AGAP1: variants seen among roughly 807,000 people sequenced by gnomAD.
The protein encoded by AGAP1 is ArfGAP with GTPase domain, ankyrin repeat and PH domain 1.
AGAP1 carries 29 observed loss-of-function variants against 105.3 expected under a neutral mutation model. The observed-to-expected ratio is 0.28, with a 90% CI of 0.21 to 0.38. AGAP1 has a LOEUF of 0.38. Among genes scored for constraint, AGAP1 ranks in the 10% least tolerant of loss-of-function variants. AGAP1 has a pLI of 1.00. For synonymous variants in AGAP1, 509 were observed against 485.9 expected (o/e 1.05, Z -0.63); for missense variants, 998 against 1,165.1 (o/e 0.86, Z 2.09).
At position 235,977,437 on chromosome 2, in the gene AGAP1, A is replaced by G. The variant is rs1165649833; in HGVS notation, c.1645+8814A>G. ...TTCTAAATCCTCATCTACTCTTTCT[A>G]CTTTCCTCAGCTGCATGTATTTTAC... On this transcript the variant is annotated intron_variant, in intron 13 of 17. Transcript: ENST00000304032. The surrounding 1 kb of genome is among the most constrained non-coding windows in gnomAD (Gnocchi z 5.2). 3.3e-5 allele frequency among the ~76,000 whole-genome samples: 5 copies of G among 151,544 alleles called. No homozygotes were observed. The East Asian group carries it at 9.7e-4, about 30-fold the overall frequency.
chr2:235,969,007 A>G (rs1409852244), intron 13 of AGAP1, among the ~76,000 whole-genome samples: 1 of 152,182 alleles, frequency 6.6e-6, no homozygotes, highest in Non-Finnish European at 1.5e-5. Context: ...CTTCTAGTTT[A>G]GGAATCATCT....
At chr2:235,670,463 G>C (rs990163957) in intron 1 of AGAP1, 2 of 528,642 alleles carry the variant, frequency 3.8e-6, no homozygotes, top group Non-Finnish European at 6.8e-6. Context: ...GGACCTGGCC[G>C]GCAGCGCCCC....
intron 13 of AGAP1, among the ~76,000 whole-genome samples, chr2:235,997,493 T>C (rs1189914210): frequency 6.6e-6 from 1 of 152,226 alleles, no homozygotes; most frequent in Non-Finnish European, 1.5e-5. Context: ...TAGTGTTTGG[T>C]ATTTTTGTAG....
chr2:235,571,932 T>TTGTGTGTGTGTGTGTGTG (rs141898525), intron 1 of AGAP1, among the ~76,000 whole-genome samples: 1,130 of 103,640 alleles, frequency 0.011, 14 homozygotes, highest in Non-Finnish European at 0.016. Flanking sequence ...TGCCCACACT[T>TTGTGTGTGTGTGTGTGTG]TGTGTGTGTG....
rs2054280479 is a variant in AGAP1 at position 235,963,742 on chromosome 2, A to T, written c.1484-4720A>T. ...CTTTTTCATTGATGTGGATGGATATATGGGAGTATATGCTCAGAACGGTCA... is the reference window on the plus strand; with the variant it reads ...CTTTTTCATTGATGTGGATGGATATTTGGGAGTATATGCTCAGAACGGTCA... On this transcript the variant is annotated intron_variant, in intron 12 of 17. Transcript: ENST00000304032. The surrounding 1 kb of genome is among the most constrained non-coding windows in gnomAD (Gnocchi z 5.1). Among the ~76,000 whole-genome samples, 1 of 152,142 alleles carries T rather than the reference A, an allele frequency of 6.6e-6. No individual in the cohort carries two copies. Among genetic ancestry groups the T allele is most frequent in the Non-Finnish European group, 1.5e-5 (1 of 68,012 alleles).
At chr2:235,562,419 GA>G (rs1944186381) in intron 1 of AGAP1, among the ~76,000 whole-genome samples, 1 of 152,136 alleles carries the variant, frequency 6.6e-6, no homozygotes, top group African/African-American at 2.4e-5. Flanking sequence ...TTTTGGGGCA[GA>G]GCGCCCTGTT....
chr2:235,997,623 G>C (rs1176014845), intron 13 of AGAP1, among the ~76,000 whole-genome samples: 1 of 152,194 alleles, frequency 6.6e-6, no homozygotes, highest in African/African-American at 2.4e-5. Flanking sequence ...GTTGATCCTT[G>C]TGAAAGCTTT....
chr2:235,728,320 T>TGTGTGTGTGTGTGTGTGTGTGTGTGTGC lies in AGAP1; in HGVS notation c.310+10683_310+10684insTGTGTGTGTGTGTGTGTGTGCGTGTGTG, dbSNP rs1328525428. ...CAGACTCTGTGTGTGTGTGTGTGTGTGTGTGTGCGTGCTCTTAAATCAATG... is the reference window on the plus strand; with the variant it reads ...CAGACTCTGTGTGTGTGTGTGTGTGTGTGTGTGTGTGTGTGTGTGTGTGTGTGCGTGTGTGCGTGCTCTTAAATCAATG... On this transcript the variant is annotated intron_variant, in intron 3 of 17. Coordinates refer to ENST00000304032, the MANE Select transcript of AGAP1 (RefSeq NM_001037131.3). This position sits in a 1 kb window ranked among gnomAD's most constrained non-coding sequence, Gnocchi z 4.3. Among the ~76,000 whole-genome samples, 27 of 151,832 alleles carry TGTGTGTGTGTGTGTGTGTGTGTGTGTGC rather than the reference T, an allele frequency of 1.8e-4. No homozygotes were observed. Among genetic ancestry groups the TGTGTGTGTGTGTGTGTGTGTGTGTGTGC allele is most frequent in the African/African-American group, 6.3e-4 (26 of 41,266 alleles).
In AGAP1 at chr2:235,701,667, T is replaced by C. The variant is rs1950266789; in HGVS notation, c.164-7512T>C. On this transcript the variant is annotated intron_variant, in intron 1 of 17. Coordinates refer to ENST00000304032, the MANE Select transcript of AGAP1 (RefSeq NM_001037131.3). The surrounding 1 kb of genome is among the most constrained non-coding windows in gnomAD (Gnocchi z 4.1). ...AGAAATTAAATCCTACCATTGAAAC[T>C]GTGCTGGTGAACTTCTGCTAAGTCC... is the stretch of plus-strand genomic sequence containing the variant. 6.6e-6 allele frequency among the ~76,000 whole-genome samples: 1 copy of C among 152,214 alleles called. No individual in the cohort carries two copies. The highest frequency in any genetic ancestry group is 1.5e-5 in the Non-Finnish European group (1 of 68,036).
chr2:235,889,254 C>T lies in AGAP1; in HGVS notation c.1155+5805C>T, dbSNP rs911796660. ...GATGACCTGCTCTTTGAAACTGTGG[C>T]TTCAGAACAAAGCAGCCAGTCATGA... On this transcript the variant is annotated intron_variant, in intron 10 of 17. Coordinates refer to ENST00000304032, the MANE Select transcript of AGAP1 (RefSeq NM_001037131.3). The surrounding 1 kb of genome is among the most constrained non-coding windows in gnomAD (Gnocchi z 4.6). 6.6e-6 allele frequency among the ~76,000 whole-genome samples: 1 copy of T among 152,182 alleles called. No homozygotes were observed. The highest frequency in any genetic ancestry group is 2.4e-5 in the African/African-American group (1 of 41,426).
At chr2:235,706,130 C>T (rs550588157) in intron 1 of AGAP1, among the ~76,000 whole-genome samples, 1 of 152,208 alleles carries the variant, frequency 6.6e-6, no homozygotes, top group Non-Finnish European at 1.5e-5. Context: ...AGTTCCTAAC[C>T]CTAAATCAGC....
intron 1 of AGAP1, among the ~76,000 whole-genome samples, chr2:235,626,989 A>T (rs1455786199): frequency 6.6e-6 from 1 of 151,734 alleles, no homozygotes; most frequent in African/African-American, 2.4e-5. Context: ...GCGCATAGAT[A>T]TGTTGGGTTT....
chr2:236,109,751 G>A lies in AGAP1; in HGVS notation c.2115-10441G>A, dbSNP rs2059597698. On this transcript the variant is annotated intron_variant, in intron 16 of 17. Transcript: ENST00000304032. This position sits in a 1 kb window ranked among gnomAD's most constrained non-coding sequence, Gnocchi z 5.4. ...GCTGCCAACCACATACTTATGTAAA[G>A]CACTGGAAATGTGTCTAAAGGAACT... 6.6e-6 allele frequency among the ~76,000 whole-genome samples: 1 copy of A among 152,252 alleles called. No individual in the cohort carries two copies. Among genetic ancestry groups the A allele is most frequent in the Non-Finnish European group, 1.5e-5 (1 of 68,042 alleles).
chr2:235,827,067 G>A (rs1250582759), intron 9 of AGAP1, among the ~76,000 whole-genome samples: 1 of 152,194 alleles, frequency 6.6e-6, no homozygotes. Flanking sequence ...GGGCGGGTTT[G>A]TAGTGCGGCT....
At position 235,789,623 on chromosome 2, in the gene AGAP1, CA is replaced by C. The variant is rs138224801; in HGVS notation, c.674-8126del. 0.042 allele frequency among the ~76,000 whole-genome samples: 6,221 copies of C among 148,208 alleles called. 186 individuals are homozygous for C. The highest frequency in any genetic ancestry group is 0.087 in the African/African-American group (3,515 of 40,498). ...ATTTTAGATTAGAGGGTTGTTTGCTCAAAAAAAAAATACATATATATAGTCA... is the reference window on the plus strand; with the variant it reads ...ATTTTAGATTAGAGGGTTGTTTGCTCAAAAAAAAATACATATATATAGTCA... On this transcript the variant is annotated intron_variant, in intron 6 of 17. Coordinates refer to ENST00000304032, the MANE Select transcript of AGAP1 (RefSeq NM_001037131.3). This position sits in a 1 kb window ranked among gnomAD's most constrained non-coding sequence, Gnocchi z 4.2.
At position 235,616,963 on chromosome 2, in the gene AGAP1, T is replaced by A. The variant is rs533756767; in HGVS notation, c.164-92216T>A. ...AACGTGCATCTTTAAATTTTTTTTA[T>A]TTTTTTTTTTTAAGCTTGGAAAGAG... On this transcript the variant is annotated intron_variant, in intron 1 of 17. Coordinates refer to ENST00000304032, the MANE Select transcript of AGAP1 (RefSeq NM_001037131.3). Among the ~76,000 whole-genome samples, 743 of 143,334 alleles carry A rather than the reference T, an allele frequency of 5.2e-3. 2 individuals carry two copies. Among genetic ancestry groups the A allele is most frequent in the African/African-American group, 0.019 (711 of 37,828 alleles). 94.0% of individuals were successfully genotyped at this position (143,334 alleles called of 152,430 possible). A position where few individuals can be genotyped will look rare whatever the true frequency, so the allele number is the denominator to read the frequency against.
chr2:235,610,240 C>T lies in AGAP1; in HGVS notation c.164-98939C>T. 6.6e-6 allele frequency among the ~76,000 whole-genome samples: 1 copy of T among 152,284 alleles called. No individual in the cohort carries two copies. The highest frequency in any genetic ancestry group is 2.1e-4 in the South Asian group (1 of 4,826). On this transcript the variant is annotated intron_variant, in intron 1 of 17. Transcript: ENST00000304032. This position sits in a 1 kb window ranked among gnomAD's most constrained non-coding sequence, Gnocchi z 4.9. Reference sequence around the variant, plus strand: ...GAGTCTGCACCGAACATGGCTCTAGCTTCTTCGTTGGCCAGACAGGATCTG... The same window carrying T: ...GAGTCTGCACCGAACATGGCTCTAGTTTCTTCGTTGGCCAGACAGGATCTG...
At position 236,002,214 on chromosome 2, in the gene AGAP1, A is replaced by C. The variant is rs1686869072; in HGVS notation, c.1645+33591A>C. On this transcript the variant is annotated intron_variant, in intron 13 of 17. Transcript: ENST00000304032. The surrounding 1 kb of genome is among the most constrained non-coding windows in gnomAD (Gnocchi z 4.3). ...CTCGTTGAGAACATGTGTGGTAGGCACGTGCTGGGCACTGAAAATAAACAG... is the reference window on the plus strand; with the variant it reads ...CTCGTTGAGAACATGTGTGGTAGGCCCGTGCTGGGCACTGAAAATAAACAG... 6.6e-6 allele frequency among the ~76,000 whole-genome samples: 1 copy of C among 152,224 alleles called. No homozygotes were observed. The highest frequency in any genetic ancestry group is 1.5e-5 in the Non-Finnish European group (1 of 68,046).
rs1222860168 is a variant in AGAP1, at chr2:235,919,311, T to C, written c.1324+10405T>C. On this transcript the variant is annotated intron_variant, in intron 11 of 17. Transcript: ENST00000304032. This position sits in a 1 kb window ranked among gnomAD's most constrained non-coding sequence, Gnocchi z 4.1. The stretch of plus-strand genomic sequence containing the variant: ...TTCCCACACTGGCAGAGGAGAGTTT[T>C]TCGAAGTAATCGTGACATTTTTCCA... Among the ~76,000 whole-genome samples the C allele has an allele frequency of 6.6e-6, 1 of 152,260 alleles. No homozygotes were observed. Among genetic ancestry groups the C allele is most frequent in the African/African-American group, 2.4e-5 (1 of 41,478 alleles).
Sources: allele counts gnomAD v4.1 joint callset (sites outside exome capture counted in the v4.1 genomes callset), GRCh38; gene constraint gnomAD v4.1.1; non-coding constraint Gnocchi (gnomAD v3.1); transcripts MANE v1.5; gene names NCBI Gene and HGNC (gene_info 2026-07-23, HGNC 2026-07-21).